SRRM1: variants seen among roughly 807,000 people sequenced by gnomAD.
The protein encoded by SRRM1 is serine and arginine repetitive matrix 1.
SRRM1 carries 19 observed loss-of-function variants against 110.2 expected under a neutral mutation model. That is an observed-to-expected ratio of 0.17 (90% CI 0.12 to 0.25). The LOEUF (loss-of-function observed/expected upper bound fraction) is 0.25, where lower values mean the gene tolerates loss of function less well. Ranked by LOEUF, SRRM1 falls within the 10% of genes least tolerant of loss-of-function variation. The pLI is 1.00. For synonymous variants in SRRM1, 443 were observed against 414.9 expected (o/e 1.07, Z -0.82); for missense variants, 918 against 1,145.8 (o/e 0.80, Z 2.87).
chr1:24,665,192 T>C (rs191469235), intron 12 of SRRM1, among the ~76,000 whole-genome samples: 7 of 151,348 alleles, frequency 4.6e-5, no homozygotes, highest in African/African-American at 1.5e-4. Flanking sequence ...TTTGGGAGGC[T>C]GAGTTGGGTG....
At chr1:24,669,848 C>T in intron 14 of SRRM1, 1 of 558,386 alleles carries the variant, frequency 1.8e-6, no homozygotes, top group Non-Finnish European at 3.1e-6. Context: ...TTGAGTAAGA[C>T]ATTGAACATT....
Position 24,669,500 on chromosome 1 carries a change from C to T in SRRM1, c.2117C>T (p.Ser706Leu). The change falls in exon 14 of 17, where the codon TCA (serine) becomes TTA (leucine). Residue 706 changes from serine (S) to leucine (L), a missense_variant. Ser to Leu is a moderately radical substitution (Grantham distance 145). Around this residue, in one of 5 missense-constraint regions of SRRM1, gnomAD observed 357 missense variants for 402.9 expected, o/e 0.89. Coordinates refer to ENST00000323848, the MANE Select transcript of SRRM1 (RefSeq NM_005839.4). Reference sequence around the variant, plus strand: ...CCACCCGTTCGAAGAGGAGCGTCGTCATCACCCCAAAGAAGGCAGTCCCCG... The same window carrying T: ...CCACCCGTTCGAAGAGGAGCGTCGTTATCACCCCAAAGAAGGCAGTCCCCG... ...SPPPVRRGAS[S>L]SPQRRQSPSP... 4 of 1,611,908 alleles carry T rather than the reference C, an allele frequency of 2.5e-6. No individual in the cohort carries two copies. Among genetic ancestry groups the T allele is most frequent in the Non-Finnish European group, 3.4e-6 (4 of 1,179,038 alleles).
chr1:24,648,597 A>C, intron 3 of SRRM1: 1 of 308,266 alleles, frequency 3.2e-6, no homozygotes, highest in African/African-American at 2.1e-5. Flanking sequence ...GAGTCTAAAA[A>C]TACTTACGAA....
rs369254541 is a variant in SRRM1 at position 24,651,591 on chromosome 1, T to C, written c.704T>C (p.Val235Ala). The C allele has an allele frequency of 9.9e-6, 16 of 1,611,324 alleles. No homozygotes were observed. Among genetic ancestry groups the C allele is most frequent in the Non-Finnish European group, 1.4e-5 (16 of 1,179,312 alleles). The change falls in exon 6 of 17, where the codon GTA becomes GCA. Residue 235 changes from valine (V) to alanine (A), a missense_variant. By Grantham distance (64) the Val-to-Ala change is moderately conservative. Coordinates refer to ENST00000323848, the MANE Select transcript of SRRM1 (RefSeq NM_005839.4). Reference protein sequence around the residue: ...EPSVKVKEPSVQEATSTSDIL... With the variant: ...EPSVKVKEPSAQEATSTSDIL... ...TCAGTGAAAGTAAAAGAACCTTCAG[T>C]ACAAGAGGCTACTTCTACTAGGCAA... is the stretch of plus-strand genomic sequence containing the variant.
chr1:24,647,501 TATG>T (rs1233570507), intron 3 of SRRM1: 1 of 152,478 alleles, frequency 6.6e-6, no homozygotes, highest in Non-Finnish European at 1.5e-5. Flanking sequence ...CATGAGATAA[TATG>T]ATGATATAAC....
At chr1:24,668,728 A>G (rs1671291038) in intron 13 of SRRM1, among the ~76,000 whole-genome samples, 1 of 152,194 alleles carries the variant, frequency 6.6e-6, no homozygotes, top group Non-Finnish European at 1.5e-5. Flanking sequence ...AGGTGACCAT[A>G]ATAGAGTTTT....
intron 4 of SRRM1, among the ~76,000 whole-genome samples, 168 bp from the exon 5 acceptor site, chr1:24,649,803 C>T (rs1453938494): frequency 6.6e-6 from 1 of 151,882 alleles, no homozygotes; most frequent in Non-Finnish European, 1.5e-5. Flanking sequence ...GGCGATAATA[C>T]CAGTCTTAAT....
intron 10 of SRRM1, 57 bp from the exon 11 acceptor site, chr1:24,661,253 G>A: frequency 7.5e-7 from 1 of 1,335,830 alleles, no homozygotes; most frequent in South Asian, 1.2e-5. Context: ...TATTCAAATT[G>A]CAAATTTTCT....
intron 14 of SRRM1, 73 bp from the exon 15 acceptor site, chr1:24,670,047 T>A: frequency 7.7e-7 from 1 of 1,300,042 alleles, no homozygotes; most frequent in South Asian, 1.5e-5. Context: ...GGTTGTACAG[T>A]GTAGTTGGTG....
rs773820768 is a variant in SRRM1 at position 24,654,843 on chromosome 1, T to C, written c.1041-12T>C. On this transcript the variant is annotated splice_polypyrimidine_tract_variant and intron_variant, in intron 8 of 16. Transcript: ENST00000323848. The stretch of plus-strand genomic sequence containing the variant: ...GTGTGCAATTAGTGAATATGAATAC[T>C]TTATTCCACAGAAGAAGACGTTCGT... 1 of 1,613,994 alleles carries C rather than the reference T, an allele frequency of 6.2e-7. No individual in the cohort carries two copies. The highest frequency in any genetic ancestry group is 1.1e-5 in the South Asian group (1 of 91,084).
rs542006462 is a variant in SRRM1, at chr1:24,669,818, G to T, written c.2204+231G>T. 518 of 564,146 alleles carry T rather than the reference G, an allele frequency of 9.2e-4. 6 individuals are homozygous for T. In the South Asian group the frequency reaches 0.013, roughly 14 times the overall value. The allele number at this position is 564,146 out of a possible 1,614,324, so 34.9% of individuals were successfully genotyped here. On this transcript the variant is annotated intron_variant, in intron 14 of 16. Coordinates refer to ENST00000323848, the MANE Select transcript of SRRM1 (RefSeq NM_005839.4). ...GCAGTTATTAATTTGTTTTTGAGGG[G>T]TATGCTTCCAAAACTAAACTTGAGT...
intron 1 of SRRM1, among the ~76,000 whole-genome samples, chr1:24,645,434 T>G (rs148596988): frequency 1.7e-4 from 26 of 152,332 alleles, no homozygotes; most frequent in African/African-American, 6.0e-4. Context: ...AGCTTTCATT[T>G]TTCCAGGTTC....
chr1:24,667,524 A>T (rs1231107454), intron 13 of SRRM1, among the ~76,000 whole-genome samples: 1 of 152,240 alleles, frequency 6.6e-6, no homozygotes, highest in Non-Finnish European at 1.5e-5. Context: ...CTTACCAATT[A>T]TGCCAAACCT....
At chr1:24,647,315 G>A (rs1658171227) in intron 3 of SRRM1, 1 of 152,642 alleles carries the variant, frequency 6.6e-6, no homozygotes, top group South Asian at 2.1e-4. Flanking sequence ...ACTATTATGA[G>A]ATGGACATTT....
chr1:24,649,069 A>G, intron 4 of SRRM1, 40 bp downstream of exon 4: 3 of 1,588,016 alleles, frequency 1.9e-6, no homozygotes, highest in Non-Finnish European at 2.6e-6. Flanking sequence ...ATTTGAGAGT[A>G]TTGGCCAGGC....
chr1:24,645,775 T>C (rs1000168462), intron 1 of SRRM1, among the ~76,000 whole-genome samples: 3 of 152,262 alleles, frequency 2.0e-5, no homozygotes, highest in Non-Finnish European at 2.9e-5. Context: ...GTTTGACTTA[T>C]GATGAACATA....
chr1:24,646,911 A>G (rs1657993728), intron 3 of SRRM1, 122 bp downstream of exon 3: 1 of 805,422 alleles, frequency 1.2e-6, no homozygotes, highest in East Asian at 3.0e-5. Flanking sequence ...TTGTTGTGAA[A>G]AGAATTCACT....
chr1:24,652,409 A>T, intron 6 of SRRM1, 25 bp from the exon 7 acceptor site: 1 of 1,516,182 alleles, frequency 6.6e-7, no homozygotes, highest in Non-Finnish European at 8.9e-7. Context: ...GGCAAAAAAA[A>T]AAAAAAAAGC....
intron 6 of SRRM1, among the ~76,000 whole-genome samples, chr1:24,652,025 TAA>T (rs1162964267): frequency 5.1e-5 from 5 of 97,528 alleles, no homozygotes; most frequent in East Asian, 5.9e-4. Flanking sequence ...CCATCTGTAC[TAA>T]AAATATATAT....
Sources: allele counts gnomAD v4.1 joint callset (sites outside exome capture counted in the v4.1 genomes callset), GRCh38; gene constraint gnomAD v4.1.1; regional missense constraint gnomAD v4.1.1; transcripts MANE v1.5; gene names NCBI Gene and HGNC (gene_info 2026-07-23, HGNC 2026-07-21).